Variants in TSHR observed in about 807,000 individuals in gnomAD.
TSHR encodes thyrotropin receptor.
TSHR carries 51 observed loss-of-function variants against 64.1 expected under a neutral mutation model. That is an observed-to-expected ratio of 0.80 (90% CI 0.64 to 1.01). TSHR has a LOEUF of 1.01. TSHR is among the 50% of genes least tolerant of loss of function. The probability of loss-of-function intolerance (pLI) is 0.00; values close to 1 mark genes in which losing one functional copy is unlikely to be tolerated. For missense variants in TSHR, 877 were observed against 942.8 expected (o/e 0.93, Z 0.91); for synonymous variants, 361 against 361.9 (o/e 1.00, Z 0.03).
intron 1 of TSHR, among the ~76,000 whole-genome samples, chr14:81,037,938 A>G (rs928534584): frequency 2.0e-5 from 3 of 151,910 alleles, no homozygotes; most frequent in African/African-American, 7.2e-5. Context: ...AATCAGCAAA[A>G]AAAAAAACAC....
intron 3 of TSHR, among the ~76,000 whole-genome samples, chr14:81,069,106 T>G (rs974031384): frequency 6.6e-6 from 1 of 152,164 alleles, no homozygotes; most frequent in Admixed American, 6.6e-5. Context: ...ACTTAGTATA[T>G]CCTAACATTA....
intron 1 of TSHR, among the ~76,000 whole-genome samples, chr14:80,973,157 G>A (rs1048887187): frequency 6.6e-6 from 1 of 152,064 alleles, no homozygotes; most frequent in Non-Finnish European, 1.5e-5. Flanking sequence ...TGTAATCCCA[G>A]CACTTTGGGA....
At chr14:81,079,307 G>C (rs1887724700) in intron 3 of TSHR, among the ~76,000 whole-genome samples, 2 of 152,108 alleles carry the variant, frequency 1.3e-5, no homozygotes, top group African/African-American at 4.8e-5. Flanking sequence ...TAATAATAGT[G>C]ACCAAGTTCT....
At chr14:81,122,224 G>C (rs1288260295) in intron 8 of TSHR, among the ~76,000 whole-genome samples, 3 of 150,878 alleles carry the variant, frequency 2.0e-5, no homozygotes, top group African/African-American at 7.3e-5. Context: ...TGTATTTTTA[G>C]TAGAGATGGG....
intron 1 of TSHR, among the ~76,000 whole-genome samples, chr14:80,986,130 A>G (rs1411428571): frequency 1.3e-5 from 2 of 152,186 alleles, no homozygotes; most frequent in Non-Finnish European, 2.9e-5. Context: ...TCAGGTATTC[A>G]TTTGAAATAA....
chr14:81,130,545 A>C (rs1891194460), intron 8 of TSHR, among the ~76,000 whole-genome samples: 2 of 151,944 alleles, frequency 1.3e-5, no homozygotes, highest in East Asian at 1.9e-4. Flanking sequence ...TTAATGTTGG[A>C]GTGCCCCAGG....
chr14:81,047,071 T>C (rs1334484476), intron 1 of TSHR, among the ~76,000 whole-genome samples: 1 of 152,110 alleles, frequency 6.6e-6, no homozygotes, highest in Non-Finnish European at 1.5e-5. Context: ...TTAAAGGAAG[T>C]TCTTCAAGAC....
intron 3 of TSHR, among the ~76,000 whole-genome samples, chr14:81,079,761 C>A (rs111688226): frequency 6.7e-6 from 1 of 150,316 alleles, no homozygotes; most frequent in African/African-American, 2.4e-5. Flanking sequence ...GAAGTTGAGG[C>A]GGGAGGATCA....
At chr14:81,011,637 G>A (rs1252083824) in intron 1 of TSHR, among the ~76,000 whole-genome samples, 3 of 151,748 alleles carry the variant, frequency 2.0e-5, no homozygotes, top group Non-Finnish European at 4.4e-5. Context: ...TAGTTCATCA[G>A]GTTCTAAAAA....
chr14:81,128,183 G>A (rs558655160), intron 8 of TSHR, among the ~76,000 whole-genome samples: 7 of 152,302 alleles, frequency 4.6e-5, no homozygotes, highest in Non-Finnish European at 8.8e-5. Context: ...AGTCAGACAC[G>A]AATTTTCTTG....
intron 1 of TSHR, among the ~76,000 whole-genome samples, chr14:80,981,413 T>G (rs1316177380): frequency 6.6e-6 from 1 of 152,012 alleles, no homozygotes; most frequent in Non-Finnish European, 1.5e-5. Context: ...GGGAAAGCAG[T>G]GGGAATCCAA....
At chr14:81,061,208 A>T (rs1045776964) in intron 1 of TSHR, among the ~76,000 whole-genome samples, 27 of 152,192 alleles carry the variant, frequency 1.8e-4, no homozygotes, top group Admixed American at 5.9e-4. Context: ...TTAAGATTTA[A>T]AACATGCATT....
intron 7 of TSHR, chr14:81,105,333 A>C: frequency 1.6e-5 from 11 of 706,614 alleles, no homozygotes; most frequent in East Asian, 1.3e-4. Flanking sequence ...CACTGTCTTG[A>C]CTTCAGATGG....
chr14:81,108,345 C>CTCTA, intron 7 of TSHR, 30 bp from the exon 8 acceptor site: 1 of 1,492,276 alleles, frequency 6.7e-7, no homozygotes, highest in South Asian at 1.1e-5. Flanking sequence ...CTAATTCATT[C>CTCTA]TCTCTCTCTC....
intron 2 of TSHR, among the ~76,000 whole-genome samples, chr14:81,065,928 C>A (rs1886577152): frequency 1.3e-5 from 2 of 152,106 alleles, no homozygotes. Flanking sequence ...CTTTAACTCA[C>A]AAAACTATCC....
intron 1 of TSHR, among the ~76,000 whole-genome samples, chr14:80,959,890 C>T (rs977768608): frequency 2.0e-5 from 3 of 152,122 alleles, no homozygotes; most frequent in African/African-American, 7.2e-5. Flanking sequence ...TAAGTTGACT[C>T]GCTTCTCTAA....
chr14:81,128,526 CT>C (rs2140081587), intron 8 of TSHR, among the ~76,000 whole-genome samples: 2 of 152,242 alleles, frequency 1.3e-5, no homozygotes, highest in Non-Finnish European at 2.9e-5. Context: ...TCCAGTGGTG[CT>C]TTACCATCTT....
intron 8 of TSHR, among the ~76,000 whole-genome samples, chr14:81,138,072 G>A (rs775826949): frequency 6.6e-6 from 1 of 152,118 alleles, no homozygotes; most frequent in South Asian, 2.1e-4. Context: ...CTTAAGTCTG[G>A]CTCAAAAGTC....
chr14:81,027,676 A>G (rs1884141469), intron 1 of TSHR, among the ~76,000 whole-genome samples: 1 of 152,164 alleles, frequency 6.6e-6, no homozygotes, highest in South Asian at 2.1e-4. Flanking sequence ...GGGGAAAAAA[A>G]CCTACATGAG....
Sources: allele counts gnomAD v4.1 joint callset (sites outside exome capture counted in the v4.1 genomes callset), GRCh38; gene constraint gnomAD v4.1.1; transcripts MANE v1.5; gene names NCBI Gene and HGNC (gene_info 2026-07-23, HGNC 2026-07-21).